The following UBAC2 variants were observed in gnomAD, a reference collection of about 807,000 sequenced individuals.
The protein encoded by UBAC2 is ubiquitin-associated domain-containing protein 2.
Under a neutral mutation model 44.0 loss-of-function variants are expected in UBAC2, and 26 were observed. The observed-to-expected ratio is 0.59, with a 90% CI of 0.43 to 0.82. The LOEUF is 0.82. Ranked by LOEUF, UBAC2 falls within the 40% of genes least tolerant of loss-of-function variation. UBAC2 has a pLI of 0.00. For missense variants in UBAC2, 329 were observed against 419.4 expected, an observed-to-expected ratio of 0.78 and a Z score of 1.88; for synonymous variants, 155 against 154.3, an observed-to-expected ratio of 1.00 and a Z score of -0.04.
At chr13:99,262,265 T>TCATAG (rs1403211587) in intron 4 of UBAC2, among the ~76,000 whole-genome samples, 111 of 152,316 alleles carry the variant, frequency 7.3e-4, no homozygotes, top group African/African-American at 2.6e-3. Context: ...TAGGTATGTA[T>TCATAG]GTACAGGAAA....
At chr13:99,383,260 T>G (rs1242394470) in intron 8 of UBAC2, among the ~76,000 whole-genome samples, 1 of 152,250 alleles carries the variant, frequency 6.6e-6, no homozygotes, top group Non-Finnish European at 1.5e-5. Flanking sequence ...CATAAAATGC[T>G]CTCGAGTCAG....
chr13:99,216,462 A>G (rs1023790641), intron 1 of UBAC2, among the ~76,000 whole-genome samples: 2 of 152,168 alleles, frequency 1.3e-5, no homozygotes, highest in African/African-American at 2.4e-5. Context: ...CTTGTTTTCC[A>G]TTTACCGTAG....
At chr13:99,233,970 TTTATTA>T (rs916181234) in intron 1 of UBAC2, among the ~76,000 whole-genome samples, 2 of 151,868 alleles carry the variant, frequency 1.3e-5, no homozygotes, top group East Asian at 1.9e-4. Flanking sequence ...GGGTTATTAT[TTTATTA>T]TTATTATTAT....
intron 4 of UBAC2, among the ~76,000 whole-genome samples, chr13:99,260,413 G>A (rs930153667): frequency 1.3e-5 from 2 of 152,194 alleles, no homozygotes; most frequent in African/African-American, 4.8e-5. Context: ...AAATGGAGAG[G>A]TTGGGGGAGG....
intron 4 of UBAC2, among the ~76,000 whole-genome samples, chr13:99,302,782 G>A (rs2044275632): frequency 6.6e-6 from 1 of 152,150 alleles, no homozygotes; most frequent in African/African-American, 2.4e-5. Flanking sequence ...AAGTCAAATT[G>A]TCCATTCTAT....
intron 4 of UBAC2, among the ~76,000 whole-genome samples, chr13:99,296,823 A>G (rs1279144271): frequency 6.6e-6 from 1 of 152,190 alleles, no homozygotes; most frequent in African/African-American, 2.4e-5. Context: ...AGATAAAGAA[A>G]ATGAGAGAGA....
intron 1 of UBAC2, chr13:99,215,617 C>G: frequency 7.6e-7 from 1 of 1,324,374 alleles, no homozygotes; most frequent in Non-Finnish European, 1.1e-6. Context: ...GCAGTTGCAC[C>G]CACATGTCTG....
At chr13:99,359,435 G>T (rs117757082) in intron 7 of UBAC2, among the ~76,000 whole-genome samples, 1,695 of 152,254 alleles carry the variant, frequency 0.011, 27 homozygotes, top group Non-Finnish European at 0.014. Flanking sequence ...CAAGTAAAAC[G>T]ATCTAGTCTT....
intron 7 of UBAC2, among the ~76,000 whole-genome samples, chr13:99,350,446 C>G (rs2045066524): frequency 6.6e-6 from 1 of 152,146 alleles, no homozygotes; most frequent in Non-Finnish European, 1.5e-5. Flanking sequence ...AGTTGATCAC[C>G]AATGGCCAGT....
intron 6 of UBAC2, among the ~76,000 whole-genome samples, chr13:99,319,829 G>A (rs111779134): frequency 5.9e-5 from 9 of 152,338 alleles, no homozygotes; most frequent in African/African-American, 1.7e-4. Context: ...GAACTGTTGC[G>A]TGACTGAGGA....
chr13:99,267,156 C>G (rs2043754699), intron 4 of UBAC2, among the ~76,000 whole-genome samples: 1 of 151,982 alleles, frequency 6.6e-6, no homozygotes, highest in Admixed American at 6.6e-5. Context: ...GGCTTCTTGG[C>G]CATTTATATA....
At position 99,383,519 on chromosome 13, in the gene UBAC2, C is replaced by T. The variant is rs2390276; in HGVS notation, c.928-1709C>T. 4.6e-5 allele frequency among the ~76,000 whole-genome samples: 7 copies of T among 152,368 alleles called. 1 individual carries two copies. The South Asian group carries it at 1.0e-3, about 23-fold the overall frequency. On this transcript the variant is annotated intron_variant, in intron 8 of 8. Coordinates refer to ENST00000403766, the MANE Select transcript of UBAC2 (RefSeq NM_001144072.2). Reference sequence around the variant, plus strand: ...CAGCTGAGCATGAATCACCTGAGGGCGCCATAGTGTCCCAGGTGCTGGGCA... The same window carrying T: ...CAGCTGAGCATGAATCACCTGAGGGTGCCATAGTGTCCCAGGTGCTGGGCA...
rs1341626701 is a variant in UBAC2, at chr13:99,367,849, T to A, written c.870T>A (p.Tyr290Ter). 30 of 1,613,880 alleles carry A rather than the reference T, an allele frequency of 1.9e-5. No individual in the cohort carries two copies. Among genetic ancestry groups the A allele is most frequent in the Non-Finnish European group, 2.5e-5 (30 of 1,179,868 alleles). ...PPLRQRQNVN[Y>*]QGGRQSEPAA... ...TACGTCAGCGACAAAACGTAAACTATCAGGGCGGTCGGCAGTCTGAGCCAG... is the reference window on the plus strand; with the variant it reads ...TACGTCAGCGACAAAACGTAAACTAACAGGGCGGTCGGCAGTCTGAGCCAG... Residue 290 changes from tyrosine to a stop codon, truncating the protein, a stop_gained, in exon 8 of 9, where the codon TAT (tyrosine) becomes TAA (stop). Transcript: ENST00000403766. LOFTEE classifies it high-confidence loss of function.
intron 6 of UBAC2, among the ~76,000 whole-genome samples, chr13:99,329,321 C>CA (rs1172201688): frequency 2.0e-5 from 3 of 151,844 alleles, no homozygotes; most frequent in African/African-American, 4.8e-5. Flanking sequence ...GTAATTTCTT[C>CA]AAAAAAAGGG....
intron 1 of UBAC2, among the ~76,000 whole-genome samples, chr13:99,214,943 A>T (rs570953625): frequency 1.3e-5 from 2 of 151,432 alleles, no homozygotes; most frequent in African/African-American, 4.9e-5. Flanking sequence ...ACATCATTGA[A>T]ATAGAAGTCA....
At chr13:99,350,736 C>T (rs548959395) in intron 7 of UBAC2, among the ~76,000 whole-genome samples, 4 of 152,326 alleles carry the variant, frequency 2.6e-5, no homozygotes, top group East Asian at 3.9e-4. Flanking sequence ...GAGTGGACCA[C>T]GGGAACCCTC....
intron 1 of UBAC2, among the ~76,000 whole-genome samples, chr13:99,202,240 G>A (rs998705450): frequency 6.6e-6 from 1 of 152,288 alleles, no homozygotes; most frequent in South Asian, 2.1e-4. Context: ...CAATATTTAT[G>A]ATTTCCTTTG....
At chr13:99,203,468 A>G (rs1245780789) in intron 1 of UBAC2, among the ~76,000 whole-genome samples, 1 of 152,152 alleles carries the variant, frequency 6.6e-6, no homozygotes, top group Non-Finnish European at 1.5e-5. Flanking sequence ...CCAGGGATAA[A>G]TCCCTGCCAT....
At chr13:99,290,739 A>AG (rs2044078536) in intron 4 of UBAC2, among the ~76,000 whole-genome samples, 1 of 151,812 alleles carries the variant, frequency 6.6e-6, no homozygotes, top group Admixed American at 6.6e-5. Context: ...AAAAAAAAAA[A>AG]AAAAAGAAAG....
Sources: allele counts gnomAD v4.1 joint callset (sites outside exome capture counted in the v4.1 genomes callset), GRCh38; gene constraint gnomAD v4.1.1; transcripts MANE v1.5; gene names NCBI Gene and HGNC (gene_info 2026-07-23, HGNC 2026-07-21).